Variants in EPHA4 observed in about 807,000 individuals in gnomAD.
EPHA4 encodes ephrin type-A receptor 4.
Under a neutral mutation model 108.3 loss-of-function variants are expected in EPHA4, and 19 were observed. The observed-to-expected ratio is 0.18, with a 90% CI of 0.12 to 0.26. EPHA4 has a LOEUF of 0.26. Ranked by LOEUF, EPHA4 falls within the 10% of genes least tolerant of loss-of-function variation. The pLI, the probability that EPHA4 is intolerant of heterozygous loss-of-function variation, is 1.00. For missense variants in EPHA4, 917 were observed against 1,254.0 expected, an observed-to-expected ratio of 0.73 and a Z score of 4.06; for synonymous variants, 449 against 455.5, an observed-to-expected ratio of 0.99 and a Z score of 0.18.
intron 3 of EPHA4, among the ~76,000 whole-genome samples, chr2:221,559,433 G>A (rs1694392629): frequency 6.6e-6 from 1 of 152,060 alleles, no homozygotes; most frequent in Non-Finnish European, 1.5e-5. Context: ...CTTTTTGGCT[G>A]GGTGAGGTGG....
intron 2 of EPHA4, among the ~76,000 whole-genome samples, chr2:221,567,011 A>AGAAG (rs879798570): frequency 2.3e-4 from 27 of 118,078 alleles, no homozygotes; most frequent in East Asian, 8.0e-4. Flanking sequence ...AAGAAGAAGA[A>AGAAG]AAAAATGTCT....
intron 3 of EPHA4, among the ~76,000 whole-genome samples, chr2:221,525,096 A>C (rs1026627500): frequency 2.0e-5 from 3 of 152,180 alleles, no homozygotes; most frequent in African/African-American, 7.2e-5. Context: ...CCATGATAGA[A>C]ATTTCTATTT....
chr2:221,490,235 A>C (rs1692101488), intron 4 of EPHA4, among the ~76,000 whole-genome samples: 1 of 151,098 alleles, frequency 6.6e-6, no homozygotes. Context: ...AGAGAGAAAA[A>C]ATGGCAATCA....
intron 5 of EPHA4, among the ~76,000 whole-genome samples, chr2:221,460,798 T>C (rs1392635851): frequency 1.3e-5 from 2 of 152,184 alleles, no homozygotes; most frequent in Admixed American, 6.5e-5. Flanking sequence ...CATTTGCCAA[T>C]GACATTTTGC....
chr2:221,551,621 A>G (rs1170958410), intron 3 of EPHA4, among the ~76,000 whole-genome samples: 1 of 152,188 alleles, frequency 6.6e-6, no homozygotes, highest in East Asian at 1.9e-4. Context: ...TAGCTCCAAC[A>G]TGTTGTACAA....
At chr2:221,491,509 A>G (rs763316051) in intron 4 of EPHA4, among the ~76,000 whole-genome samples, 32 of 152,210 alleles carry the variant, frequency 2.1e-4, no homozygotes, top group Non-Finnish European at 3.7e-4. Context: ...CTTCCCTTTC[A>G]TAGAGATACA....
chr2:221,540,076 T>C (rs1331693146), intron 3 of EPHA4, among the ~76,000 whole-genome samples: 1 of 152,092 alleles, frequency 6.6e-6, no homozygotes, highest in Admixed American at 6.6e-5. Flanking sequence ...TGTGCCACCA[T>C]GCCCAGCTAT....
In EPHA4 at chr2:221,449,762, A is replaced by T. The variant is rs3770178; in HGVS notation, c.1716-3581T>A. ...TAAACCATGCTTTTACTAAATTACT[A>T]ACTTTTCTGGTCAAGTGGACAGATT... On this transcript the variant is annotated intron_variant, in intron 8 of 17. Transcript: ENST00000281821. Among the ~76,000 whole-genome samples, 6 of 152,210 alleles carry T rather than the reference A, an allele frequency of 3.9e-5. No individual in the cohort carries two copies. The South Asian group carries it at 6.2e-4, about 16-fold the overall frequency.
chr2:221,437,233 A>G, intron 11 of EPHA4, 111 bp from the exon 12 acceptor site: 1 of 737,144 alleles, frequency 1.4e-6, no homozygotes, highest in Non-Finnish European at 2.3e-6. Flanking sequence ...GTGTGATCTA[A>G]TTTAATTAAA....
intron 5 of EPHA4, among the ~76,000 whole-genome samples, chr2:221,477,228 A>G (rs1164269231): frequency 6.6e-6 from 1 of 152,136 alleles, no homozygotes; most frequent in African/African-American, 2.4e-5. Flanking sequence ...CAGTAACGGG[A>G]GCATCATGCT....
rs182322180 is a variant in EPHA4 at position 221,568,395 on chromosome 2, A to C, written c.159+323T>G. Among the ~76,000 whole-genome samples, 354 of 152,242 alleles carry C rather than the reference A, an allele frequency of 2.3e-3. 1 individual carries two copies. The highest frequency in any genetic ancestry group is 6.6e-3 in the South Asian group (32 of 4,830). On this transcript the variant is annotated intron_variant, in intron 2 of 17. Coordinates refer to ENST00000281821, the MANE Select transcript of EPHA4 (RefSeq NM_004438.5). Reference sequence around the variant, plus strand: ...CTTGTCAGGACTTCATGGCCATCACAGTAATAGGCATAAATTCTAATTTGG... The same window carrying C: ...CTTGTCAGGACTTCATGGCCATCACCGTAATAGGCATAAATTCTAATTTGG...
chr2:221,530,381 C>T (rs1247896526), intron 3 of EPHA4, among the ~76,000 whole-genome samples: 4 of 152,202 alleles, frequency 2.6e-5, no homozygotes, highest in African/African-American at 4.8e-5. Context: ...CAGTCATGTT[C>T]GGCATTAACC....
intron 5 of EPHA4, among the ~76,000 whole-genome samples, chr2:221,472,074 GATAAA>G: frequency 6.6e-6 from 1 of 152,134 alleles, no homozygotes; most frequent in African/African-American, 2.4e-5. Flanking sequence ...ATAATTTTCA[GATAAA>G]ATAAAAGTCT....
chr2:221,440,032 T>C (rs1690368155), intron 11 of EPHA4, among the ~76,000 whole-genome samples: 2 of 152,190 alleles, frequency 1.3e-5, no homozygotes, highest in African/African-American at 2.4e-5. Flanking sequence ...AGATCCTTTA[T>C]GAGCTCTACA....
At chr2:221,562,579 C>T (rs750557637) in intron 3 of EPHA4, among the ~76,000 whole-genome samples, 1 of 152,192 alleles carries the variant, frequency 6.6e-6, no homozygotes, top group Non-Finnish European at 1.5e-5. Context: ...CCATCTACAG[C>T]TCAACAATTA....
chr2:221,543,408 A>G (rs1455449887), intron 3 of EPHA4, among the ~76,000 whole-genome samples: 2 of 152,236 alleles, frequency 1.3e-5, no homozygotes, highest in African/African-American at 4.8e-5. Context: ...CTGGAAGCAT[A>G]AAAAGCAAAA....
intron 4 of EPHA4, among the ~76,000 whole-genome samples, chr2:221,492,090 G>A (rs1692163232): frequency 6.6e-6 from 1 of 152,170 alleles, no homozygotes; most frequent in South Asian, 2.1e-4. Context: ...GAAGCATGCT[G>A]TGAATAACCA....
At chr2:221,439,411 A>C (rs1690345173) in intron 11 of EPHA4, among the ~76,000 whole-genome samples, 1 of 151,058 alleles carries the variant, frequency 6.6e-6, no homozygotes, top group African/African-American at 2.4e-5. Context: ...CAGGAGAATC[A>C]CTTGAGCCCA....
At chr2:221,570,321 C>A (rs1397101586) in intron 1 of EPHA4, among the ~76,000 whole-genome samples, 1 of 150,780 alleles carries the variant, frequency 6.6e-6, no homozygotes, top group African/African-American at 2.4e-5. Flanking sequence ...TTTCTCCCCC[C>A]CCCCCAAAAA....
Sources: allele counts gnomAD v4.1 joint callset (sites outside exome capture counted in the v4.1 genomes callset), GRCh38; gene constraint gnomAD v4.1.1; transcripts MANE v1.5; gene names NCBI Gene and HGNC (gene_info 2026-07-23, HGNC 2026-07-21).